DPYD: variants seen among roughly 807,000 people sequenced by gnomAD.
DPYD encodes dihydropyrimidine dehydrogenase [NADP(+)].
In DPYD, 109 loss-of-function variants were observed where a neutral mutation model predicts 116.2. The ratio of observed to expected loss-of-function variants is 0.94; its 90% CI spans 0.80 to 1.10. The LOEUF (loss-of-function observed/expected upper bound fraction) is 1.10, where lower values mean the gene tolerates loss of function less well. Among genes scored for constraint, DPYD ranks in the 50% least tolerant of loss-of-function variants. The probability of loss-of-function intolerance (pLI) is 0.00; values close to 1 mark genes in which losing one functional copy is unlikely to be tolerated. For missense variants in DPYD, 1,302 were observed against 1,254.5 expected, an observed-to-expected ratio of 1.04 and a Z score of -0.57; for synonymous variants, 440 against 432.0, an observed-to-expected ratio of 1.02 and a Z score of -0.23.
chr1:97,546,759 G>A, intron 12 of DPYD: 1 of 1,613,126 alleles, frequency 6.2e-7, no homozygotes, highest in Non-Finnish European at 8.5e-7. Context: ...GAAATTATCA[G>A]TATACTGTGT....
At chr1:97,612,373 A>G (rs568979913) in intron 8 of DPYD, among the ~76,000 whole-genome samples, 5 of 152,036 alleles carry the variant, frequency 3.3e-5, no homozygotes, top group Admixed American at 1.3e-4. Context: ...AAGTGGGTCT[A>G]AAATACTTGC....
chr1:97,258,172 C>A lies in DPYD; in HGVS notation c.2300-23178G>T, dbSNP rs183179295. Reference sequence around the variant, plus strand: ...GAGAGTGGGGCAGATATTTCTGGGACACACACTACAGCCTCCTTGACCACC... The same window carrying A: ...GAGAGTGGGGCAGATATTTCTGGGAAACACACTACAGCCTCCTTGACCACC... On this transcript the variant is annotated intron_variant, in intron 18 of 22. Coordinates refer to ENST00000370192, the MANE Select transcript of DPYD (RefSeq NM_000110.4). Among the ~76,000 whole-genome samples the A allele has an allele frequency of 2.0e-5, 3 of 152,184 alleles. No homozygotes were observed. In the East Asian group the frequency reaches 5.8e-4, roughly 30 times the overall value.
chr1:97,092,708 TC>T (rs564509136), intron 21 of DPYD, among the ~76,000 whole-genome samples: 12 of 152,062 alleles, frequency 7.9e-5, no homozygotes, highest in African/African-American at 2.9e-4. Context: ...TTCAATACAT[TC>T]AAATCTAAGT....
At chr1:97,919,813 G>C (rs1193439539) in intron 1 of DPYD, among the ~76,000 whole-genome samples, 1 of 152,122 alleles carries the variant, frequency 6.6e-6, no homozygotes, top group East Asian at 1.9e-4. Context: ...TTACTAAAAT[G>C]ATTTTTCAAA....
intron 5 of DPYD, among the ~76,000 whole-genome samples, chr1:97,705,336 T>C (rs1661869672): frequency 1.3e-5 from 2 of 152,130 alleles, no homozygotes; most frequent in Middle Eastern, 3.4e-3. Flanking sequence ...CCTGTGTCCA[T>C]GTGTTCTCAT....
chr1:97,430,596 A>AC, intron 14 of DPYD, among the ~76,000 whole-genome samples: 1 of 151,024 alleles, frequency 6.6e-6, no homozygotes, highest in Non-Finnish European at 1.5e-5. Context: ...CTTGGGAAAA[A>AC]AAAAAATGTC....
chr1:97,145,613 A>G (rs1047503010), intron 20 of DPYD, among the ~76,000 whole-genome samples: 2 of 152,158 alleles, frequency 1.3e-5, no homozygotes, highest in African/African-American at 4.8e-5. Flanking sequence ...TATAATAAGC[A>G]CTAAAATATG....
chr1:97,912,453 G>T (rs1299440932), intron 1 of DPYD, among the ~76,000 whole-genome samples: 1 of 151,994 alleles, frequency 6.6e-6, no homozygotes, highest in Non-Finnish European at 1.5e-5. Context: ...GCTTTTGATA[G>T]GACAAGAAAA....
intron 20 of DPYD, among the ~76,000 whole-genome samples, chr1:97,114,989 T>C (rs1651863752): frequency 6.6e-6 from 1 of 152,202 alleles, no homozygotes. Flanking sequence ...TTGTCATTCA[T>C]CTCTCACACT....
chr1:97,415,012 G>GT (rs1447625662), intron 14 of DPYD, among the ~76,000 whole-genome samples: 2 of 152,052 alleles, frequency 1.3e-5, no homozygotes, highest in African/African-American at 4.8e-5. Context: ...GAGTTTCTGT[G>GT]TAAGTAGCAT....
chr1:97,745,191 G>A (rs1218158898), intron 3 of DPYD, among the ~76,000 whole-genome samples: 1 of 152,004 alleles, frequency 6.6e-6, no homozygotes. Flanking sequence ...TCTTAAATAT[G>A]CATCTTGGCT....
chr1:97,631,494 T>G (rs1253933272), intron 8 of DPYD, among the ~76,000 whole-genome samples: 1 of 152,008 alleles, frequency 6.6e-6, no homozygotes, highest in African/African-American at 2.4e-5. Context: ...TCATAAGTGC[T>G]TATGTGAACC....
chr1:97,528,612 T>C (rs957969654), intron 12 of DPYD, among the ~76,000 whole-genome samples: 1 of 152,106 alleles, frequency 6.6e-6, no homozygotes, highest in African/African-American at 2.4e-5. Flanking sequence ...AAAAAATAAC[T>C]ATTCCTCCCC....
chr1:97,266,070 T>A (rs1433929792), intron 18 of DPYD, among the ~76,000 whole-genome samples: 2 of 152,148 alleles, frequency 1.3e-5, no homozygotes, highest in African/African-American at 4.8e-5. Context: ...GATCACCAGG[T>A]TTTTTAGCTA....
At chr1:97,226,972 C>T (rs532202096) in intron 19 of DPYD, among the ~76,000 whole-genome samples, 4 of 152,056 alleles carry the variant, frequency 2.6e-5, no homozygotes, top group East Asian at 1.9e-4. Flanking sequence ...AACAGTGCCA[C>T]GGAGAAATGA....
intron 2 of DPYD, among the ~76,000 whole-genome samples, chr1:97,857,537 C>T (rs945180760): frequency 1.3e-5 from 2 of 152,088 alleles, no homozygotes; most frequent in African/African-American, 2.4e-5. Flanking sequence ...AAACCCAAAA[C>T]GAGAGGATTC....
In DPYD at chr1:97,885,695, G is replaced by C. The variant is rs1428111152; in HGVS notation, c.40-2321C>G. 2.6e-5 allele frequency among the ~76,000 whole-genome samples: 4 copies of C among 151,970 alleles called. No individual in the cohort carries two copies. The East Asian group carries it at 5.8e-4, about 22-fold the overall frequency. On this transcript the variant is annotated intron_variant, in intron 1 of 22. Coordinates refer to ENST00000370192, the MANE Select transcript of DPYD (RefSeq NM_000110.4). ...AATACTTAGGATGAGCAAATAAATT[G>C]AGGGTGATTAAGTAACCTGCTTAAG... is the stretch of plus-strand genomic sequence containing the variant.
chr1:97,428,663 A>T (rs1675006178), intron 14 of DPYD, among the ~76,000 whole-genome samples: 1 of 152,112 alleles, frequency 6.6e-6, no homozygotes, highest in Non-Finnish European at 1.5e-5. Flanking sequence ...TAACAACAAC[A>T]AAATCTACTT....
chr1:97,531,471 T>G (rs1432884037), intron 12 of DPYD, among the ~76,000 whole-genome samples: 2 of 152,172 alleles, frequency 1.3e-5, no homozygotes, highest in African/African-American at 4.8e-5. Flanking sequence ...GGATATAAGC[T>G]CTCTATTGTT....
Sources: allele counts gnomAD v4.1 joint callset (sites outside exome capture counted in the v4.1 genomes callset), GRCh38; gene constraint gnomAD v4.1.1; transcripts MANE v1.5; gene names NCBI Gene and HGNC (gene_info 2026-07-23, HGNC 2026-07-21).